CERS6: variants seen among roughly 807,000 people sequenced by gnomAD.
The protein encoded by CERS6 is LAG1 homolog, ceramide synthase 6.
A neutral mutation model predicts 56.8 loss-of-function variants in CERS6; 26 were observed. The ratio of observed to expected loss-of-function variants is 0.46; its 90% CI spans 0.34 to 0.63. The LOEUF is 0.63. Among genes scored for constraint, CERS6 ranks in the 30% least tolerant of loss-of-function variants. CERS6 has a pLI of 0.01. For missense variants in CERS6, 415 were observed against 467.5 expected (o/e 0.89, Z 1.04); for synonymous variants, 164 against 173.3 (o/e 0.95, Z 0.42).
chr2:168,474,455 C>T (rs190248499), intron 1 of CERS6, among the ~76,000 whole-genome samples: 3 of 152,294 alleles, frequency 2.0e-5, no homozygotes, highest in Admixed American at 6.5e-5. Flanking sequence ...TCCCTACCAA[C>T]GCAGTATGAG....
intron 3 of CERS6, among the ~76,000 whole-genome samples, chr2:168,585,854 G>A (rs932925762): frequency 1.3e-5 from 2 of 152,096 alleles, no homozygotes; most frequent in East Asian, 1.9e-4. Context: ...TTCCCCTTCC[G>A]GGCATCATTT....
At chr2:168,629,275 A>G (rs1356746259) in intron 3 of CERS6, among the ~76,000 whole-genome samples, 1 of 152,216 alleles carries the variant, frequency 6.6e-6, no homozygotes, top group African/African-American at 2.4e-5. Context: ...ACCTACTAAC[A>G]AGGGTCTTAG....
chr2:168,561,154 T>G, intron 2 of CERS6, 38 bp from the exon 3 acceptor site: 1 of 1,609,886 alleles, frequency 6.2e-7, no homozygotes, highest in Non-Finnish European at 8.5e-7. Context: ...AAAATGAAAA[T>G]GGATTGAAAA....
chr2:168,583,078 T>C (rs1489678030), intron 3 of CERS6: 4 of 152,430 alleles, frequency 2.6e-5, no homozygotes, highest in African/African-American at 9.7e-5. Flanking sequence ...CAAATTTGGC[T>C]GGCTTGAGGG....
intron 8 of CERS6, among the ~76,000 whole-genome samples, chr2:168,756,306 C>G (rs1318688491): frequency 6.6e-6 from 1 of 152,218 alleles, no homozygotes; most frequent in East Asian, 1.9e-4. Flanking sequence ...TTTAGAGATA[C>G]ACATCTGCCT....
Position 168,722,211 on chromosome 2 carries a change from T to C in CERS6, c.845+4233T>C, listed in dbSNP as rs150018828. Among the ~76,000 whole-genome samples, 934 of 152,298 alleles carry C rather than the reference T, an allele frequency of 6.1e-3. 10 individuals are homozygous for C. Among genetic ancestry groups the C allele is most frequent in the African/African-American group, 0.02 (841 of 41,548 alleles). On this transcript the variant is annotated intron_variant, in intron 8 of 9. Coordinates refer to ENST00000305747, the MANE Select transcript of CERS6 (RefSeq NM_203463.3). ...ATAAAGGACTTATCCGATATATAAT[T>C]TGCAAATGTTTTCTCCCTTACTGAG...
chr2:168,681,514 G>T (rs546906429), intron 4 of CERS6, among the ~76,000 whole-genome samples: 1 of 152,048 alleles, frequency 6.6e-6, no homozygotes, highest in Admixed American at 6.6e-5. Context: ...TATTATTTTT[G>T]ATATGCAATT....
chr2:168,498,237 C>T (rs1272795878), intron 1 of CERS6, among the ~76,000 whole-genome samples: 2 of 152,092 alleles, frequency 1.3e-5, no homozygotes, highest in Non-Finnish European at 1.5e-5. Flanking sequence ...CCTTTTTAAT[C>T]CCCCTCCACA....
chr2:168,672,492 C>T (rs1431537874), intron 4 of CERS6, among the ~76,000 whole-genome samples: 1 of 152,156 alleles, frequency 6.6e-6, no homozygotes, highest in East Asian at 1.9e-4. Context: ...TCCAAAAATA[C>T]AACAGAAGAT....
intron 8 of CERS6, among the ~76,000 whole-genome samples, chr2:168,725,222 G>A (rs530547443): frequency 1.3e-4 from 20 of 152,378 alleles, no homozygotes; most frequent in East Asian, 5.8e-4. Flanking sequence ...ACGCCCACCC[G>A]GAACTCCAGC....
intron 4 of CERS6, among the ~76,000 whole-genome samples, chr2:168,683,832 T>C: frequency 6.6e-6 from 1 of 152,138 alleles, no homozygotes; most frequent in East Asian, 1.9e-4. Flanking sequence ...TACCCTGAGC[T>C]GTAGTGTGCA....
At chr2:168,699,211 C>A (rs1183132952) in intron 6 of CERS6, among the ~76,000 whole-genome samples, 1 of 152,206 alleles carries the variant, frequency 6.6e-6, no homozygotes, top group Non-Finnish European at 1.5e-5. Context: ...ATGGCACATT[C>A]TGTCTGCCAG....
At chr2:168,651,758 C>A (rs879568491) in intron 4 of CERS6, among the ~76,000 whole-genome samples, 2 of 152,126 alleles carry the variant, frequency 1.3e-5, no homozygotes, top group Admixed American at 1.3e-4. Flanking sequence ...GTGGGGATTA[C>A]AATTTGAGAT....
chr2:168,467,865 A>G (rs1693908608), intron 1 of CERS6, among the ~76,000 whole-genome samples: 1 of 152,180 alleles, frequency 6.6e-6, no homozygotes, highest in African/African-American at 2.4e-5. Flanking sequence ...AAATGGGTAT[A>G]TGTGTGGGGG....
chr2:168,601,830 AT>A (rs1291796786), intron 3 of CERS6, among the ~76,000 whole-genome samples: 2 of 152,170 alleles, frequency 1.3e-5, no homozygotes, highest in Non-Finnish European at 2.9e-5. Flanking sequence ...GATTACAGGC[AT>A]GAGCCACCTC....
chr2:168,711,731 CAAA>C (rs35886865), intron 6 of CERS6, among the ~76,000 whole-genome samples: 1 of 97,882 alleles, frequency 1.0e-5, no homozygotes. Flanking sequence ...GAGACTGTCT[CAAA>C]AAAAAAAAAA....
chr2:168,706,223 C>G (rs1049102091), intron 6 of CERS6, among the ~76,000 whole-genome samples: 11 of 152,192 alleles, frequency 7.2e-5, no homozygotes, highest in African/African-American at 2.7e-4. Flanking sequence ...AAATCAAGCT[C>G]CATGCTCTGG....
chr2:168,622,016 C>CTTT (rs1227418841), intron 3 of CERS6, among the ~76,000 whole-genome samples: 1 of 152,158 alleles, frequency 6.6e-6, no homozygotes, highest in East Asian at 1.9e-4. Context: ...TGTACAGAAT[C>CTTT]TTTTAATAAT....
At chr2:168,484,881 C>T (rs563255528) in intron 1 of CERS6, among the ~76,000 whole-genome samples, 63 of 152,246 alleles carry the variant, frequency 4.1e-4, no homozygotes, top group Non-Finnish European at 7.6e-4. Flanking sequence ...ACAGGTAAAT[C>T]CCTGGGGACT....
Sources: gnomAD v4.1 joint callset for allele counts (sites outside exome capture counted in the v4.1 genomes callset) on GRCh38, gnomAD v4.1.1 for gene constraint, MANE v1.5 for transcripts, NCBI Gene and HGNC (gene_info 2026-07-23, HGNC 2026-07-21) for gene names.